Variants in ACBD5 observed in about 807,000 individuals in gnomAD.
ACBD5 encodes the protein acyl-CoA-binding domain-containing protein 5.
Under a neutral mutation model 71.8 loss-of-function variants are expected in ACBD5, and 40 were observed. The ratio of observed to expected loss-of-function variants is 0.56; its 90% CI spans 0.43 to 0.72. ACBD5 has a LOEUF of 0.72. ACBD5 is among the 30% of genes least tolerant of loss of function. ACBD5 has a pLI of 0.00. For synonymous variants in ACBD5, 229 were observed against 218.6 expected, an observed-to-expected ratio of 1.05 and a Z score of -0.42; for missense variants, 559 against 644.5, an observed-to-expected ratio of 0.87 and a Z score of 1.44.
chr10:27,183,352 C>T (rs373368893), intron 13 of ACBD5, among the ~76,000 whole-genome samples: 8 of 152,030 alleles, frequency 5.3e-5, no homozygotes, highest in African/African-American at 7.2e-5. Flanking sequence ...GGTGTGATCT[C>T]GGCTCACTGC....
intron 12 of ACBD5, among the ~76,000 whole-genome samples, chr10:27,200,739 G>T (rs747691024): frequency 6.6e-6 from 1 of 152,152 alleles, no homozygotes; most frequent in Non-Finnish European, 1.5e-5. Context: ...GATTACAGGC[G>T]TGAGCCACCG....
At chr10:27,233,724 A>C (rs1055417991) in intron 3 of ACBD5, among the ~76,000 whole-genome samples, 3 of 151,396 alleles carry the variant, frequency 2.0e-5, no homozygotes, top group Non-Finnish European at 4.4e-5. Flanking sequence ...GTGTCCAAAA[A>C]AAAGGTGTGG....
Position 27,231,836 on chromosome 10 carries a change from T to C in ACBD5, c.303-16A>G, listed in dbSNP as rs779490567. The C allele has an allele frequency of 2.5e-6, 4 of 1,610,812 alleles. No individual in the cohort carries two copies. The Admixed American group carries it at 6.7e-5, about 27-fold the overall frequency. On this transcript the variant is annotated splice_polypyrimidine_tract_variant and intron_variant, in intron 3 of 12. Transcript: ENST00000396271. ...CCAAGCATCCCTAGAAATGAAAGTA[T>C]CCACAAAATGACAAAGAGACATCTG...
Position 27,218,063 on chromosome 10 carries a change from A to G in ACBD5, c.746T>C (p.Leu249Pro), listed in dbSNP as rs770816985. The G allele has an allele frequency of 1.2e-6, 2 of 1,614,198 alleles. No individual in the cohort carries two copies. Among genetic ancestry groups the G allele is most frequent in the Non-Finnish European group, 8.5e-7 (1 of 1,180,020 alleles). ...IQNDIHASSS[L>P]NGRSTEEVKP... ...TACTTCTTCAGTGCTTCTGCCATTC[A>G]GGGAAGAACTGGCATGAATGTCATT... Residue 249 changes from leucine (L) to proline (P), a missense_variant, in exon 7 of 13, where the codon CTG (leucine) becomes CCG (proline). Coordinates refer to ENST00000396271, the MANE Select transcript of ACBD5 (RefSeq NM_145698.5).
intron 13 of ACBD5, chr10:27,186,297 T>G: frequency 2.2e-6 from 3 of 1,342,488 alleles, no homozygotes; most frequent in Non-Finnish European, 3.2e-6. Context: ...ATGTGAGACA[T>G]TCTCTTTTTA....
At position 27,223,430 on chromosome 10, in the gene ACBD5, G is replaced by T; in HGVS notation, c.398C>A (p.Thr133Asn). 1 of 1,613,158 alleles carries T rather than the reference G, an allele frequency of 6.2e-7. No individual in the cohort carries two copies. Among genetic ancestry groups the T allele is most frequent in the Non-Finnish European group, 8.5e-7 (1 of 1,179,754 alleles). The change falls in exon 5 of 13, where the codon ACT becomes AAT. Residue 133 changes from threonine (T) to asparagine (N), a missense_variant. Coordinates refer to ENST00000396271, the MANE Select transcript of ACBD5 (RefSeq NM_145698.5). ...MKKIIETMPM[T>N]EKVEELLRVI... Reference sequence around the variant, plus strand: ...ACGCAGCAATTCTTCAACTTTCTCAGTCATTGGCATAGTTTCAATAATCTG... The same window carrying T: ...ACGCAGCAATTCTTCAACTTTCTCATTCATTGGCATAGTTTCAATAATCTG...
At chr10:27,213,632 C>T (rs1184200155) in intron 8 of ACBD5, among the ~76,000 whole-genome samples, 1 of 152,052 alleles carries the variant, frequency 6.6e-6, no homozygotes, top group Non-Finnish European at 1.5e-5. Flanking sequence ...TGGCGCATGT[C>T]TGTAATCCCA....
Position 27,195,887 on chromosome 10 carries a change from A to G in ACBD5, c.*1543T>C. On this transcript the variant is annotated 3_prime_UTR_variant, in exon 13 of 13. Transcript: ENST00000396271. ...CATATGATGTTAAACCCAACATCATACATCTTGAGAATGCTTAAAAATTAT... is the reference window on the plus strand; with the variant it reads ...CATATGATGTTAAACCCAACATCATGCATCTTGAGAATGCTTAAAAATTAT... 2.2e-6 allele frequency: 1 copy of G among 453,658 alleles called. No homozygotes were observed. Among genetic ancestry groups the G allele is most frequent in the South Asian group, 1.6e-5 (1 of 64,350 alleles). The allele number at this position is 453,658 out of a possible 1,614,324, so 28.1% of individuals were successfully genotyped here.
At chr10:27,194,766 G>C (rs2059245421), downstream of ACBD5, among the ~76,000 whole-genome samples, 7 of 151,990 alleles carry the variant, frequency 4.6e-5, no homozygotes, top group Admixed American at 3.9e-4. Flanking sequence ...GGGAGGCCGA[G>C]GCGGGTAGAT....
rs115057630 is a variant in ACBD5 at position 27,183,581 on chromosome 10, A to G, written c.1494-866T>C. Among the ~76,000 whole-genome samples, 845 of 152,176 alleles carry G rather than the reference A, an allele frequency of 5.6e-3. 13 individuals are homozygous for G. Among genetic ancestry groups the G allele is most frequent in the African/African-American group, 0.019 (792 of 41,540 alleles). ...TTTAAAATTCCTTTTGTAACGAGGT[A>G]TGGTAATATAGAGAAAAGCATTACG... On this transcript the variant is annotated intron_variant, in intron 13 of 13. Coordinates refer to the ACBD5 transcript ENST00000676511.
intron 12 of ACBD5, among the ~76,000 whole-genome samples, chr10:27,204,046 T>C (rs2060205702): frequency 6.8e-6 from 1 of 147,220 alleles, no homozygotes; most frequent in Non-Finnish European, 1.5e-5. Context: ...AAAGGATCAC[T>C]TGAGCCAAGG....
Position 27,208,525 on chromosome 10 carries a change from T to G in ACBD5, c.1205-80A>C, listed in dbSNP as rs1252230160. 2.0e-6 allele frequency: 3 copies of G among 1,512,010 alleles called. No homozygotes were observed. The African/African-American group carries it at 4.1e-5, about 21-fold the overall frequency. 93.7% of individuals were successfully genotyped at this position (1,512,010 alleles called of 1,614,324 possible). ...CTGTGTTTTATTCATTTTCCTCTGT[T>G]ATTTCTTTGAGATCTAAATCTCCAA... On this transcript the variant is annotated intron_variant, in intron 9 of 12. Transcript: ENST00000396271.
Position 27,195,249 on chromosome 10 carries a change from T to A in ACBD5, c.*2181A>T. ...TTAACCTTTTATTTTTAACTTAGTT[T>A]TACAATAAACAGAAAAGAAGTTATC... On this transcript the variant is annotated 3_prime_UTR_variant, in exon 13 of 13. Transcript: ENST00000396271. 1 of 416,032 alleles carries A rather than the reference T, an allele frequency of 2.4e-6. No individual in the cohort carries two copies. The highest frequency in any genetic ancestry group is 1.8e-5 in the South Asian group (1 of 56,716). 25.8% of individuals were successfully genotyped at this position (416,032 alleles called of 1,614,324 possible).
At chr10:27,214,413 C>T (rs58843203) in intron 8 of ACBD5, among the ~76,000 whole-genome samples, 10,604 of 151,822 alleles carry the variant, frequency 0.07, 697 homozygotes, top group African/African-American at 0.17. Context: ...GGGGGTCTCG[C>T]CTTCTTGCCC....
downstream of ACBD5, among the ~76,000 whole-genome samples, chr10:27,194,913 T>A (rs2059258537): frequency 6.6e-6 from 1 of 152,082 alleles, no homozygotes; most frequent in Non-Finnish European, 1.5e-5. Context: ...GGAGAATCGC[T>A]TGAACCTGAG....
rs1219843171 is a variant in ACBD5, at chr10:27,195,765, T to C, written c.*1665A>G. 5 of 409,864 alleles carry C rather than the reference T, an allele frequency of 1.2e-5. No individual in the cohort carries two copies. Among genetic ancestry groups the C allele is most frequent in the Non-Finnish European group, 1.9e-5 (4 of 214,126 alleles). 25.4% of individuals were successfully genotyped at this position (409,864 alleles called of 1,614,324 possible). The stretch of plus-strand genomic sequence containing the variant: ...GAAAGAAAAAAATAAGGAAAAAGAG[T>C]TTGGGAAAAGTAAATTGTATTCTTA... On this transcript the variant is annotated 3_prime_UTR_variant, in exon 13 of 13. Transcript: ENST00000396271.
At chr10:27,193,114 C>CGTGTGTGTGT (rs58983291), downstream of ACBD5, among the ~76,000 whole-genome samples, 81 of 80,298 alleles carry the variant, frequency 1.0e-3, no homozygotes, top group South Asian at 1.6e-3. Context: ...TTCCTTCCTT[C>CGTGTGTGTGT]GTGTGTGTGT....
At chr10:27,223,725 GT>G (rs750011182) in intron 4 of ACBD5, among the ~76,000 whole-genome samples, 4 of 152,070 alleles carry the variant, frequency 2.6e-5, no homozygotes, top group Non-Finnish European at 4.4e-5. Context: ...TGGCAACACA[GT>G]GAGACCCTGT....
At chr10:27,224,249 C>T (rs986782450) in intron 4 of ACBD5, among the ~76,000 whole-genome samples, 40 of 150,958 alleles carry the variant, frequency 2.6e-4, no homozygotes, top group Non-Finnish European at 2.2e-4. Flanking sequence ...TGGCGGTGCA[C>T]GCCTGTAGTC....
Sources: gnomAD v4.1 joint callset for allele counts (sites outside exome capture counted in the v4.1 genomes callset) on GRCh38, gnomAD v4.1.1 for gene constraint, MANE v1.5 for transcripts, NCBI Gene and HGNC (gene_info 2026-07-23, HGNC 2026-07-21) for gene names.